Variants in ZNF367 observed in about 807,000 individuals in gnomAD.
The protein encoded by ZNF367 is C2H2 zinc finger protein ZFF29.
A neutral mutation model predicts 31.8 loss-of-function variants in ZNF367; 11 were observed. That is an observed-to-expected ratio of 0.35 (90% CI 0.22 to 0.57). ZNF367 has a LOEUF of 0.57. ZNF367 is among the 20% of genes least tolerant of loss of function. ZNF367 has a pLI of 0.85. For missense variants in ZNF367, 353 were observed against 484.1 expected (o/e 0.73, Z 2.54); for synonymous variants, 199 against 202.4 (o/e 0.98, Z 0.14).
chr9:96,408,458 A>G (rs949098282), intron 1 of ZNF367, among the ~76,000 whole-genome samples: 1 of 152,240 alleles, frequency 6.6e-6, no homozygotes, highest in Non-Finnish European at 1.5e-5. Flanking sequence ...AAAGATGGAA[A>G]TCCTGCCATA....
intron 3 of ZNF367, among the ~76,000 whole-genome samples, chr9:96,393,854 C>T (rs1831500176): frequency 4.6e-5 from 7 of 152,158 alleles, no homozygotes; most frequent in Admixed American, 4.6e-4. Flanking sequence ...AACAAATATT[C>T]ATTATTCAAC....
intron 1 of ZNF367, chr9:96,407,719 A>G: frequency 7.4e-7 from 1 of 1,354,828 alleles, no homozygotes; most frequent in Non-Finnish European, 1.0e-6. Flanking sequence ...GGCATGGAAG[A>G]GGATAGTTAC....
intron 1 of ZNF367, among the ~76,000 whole-genome samples, chr9:96,411,296 C>A (rs1831746007): frequency 6.6e-6 from 1 of 152,038 alleles, no homozygotes; most frequent in South Asian, 2.1e-4. Context: ...GCCTGTAATC[C>A]CACTGCTTGG....
At chr9:96,401,645 G>A (rs1444641030) in intron 1 of ZNF367, among the ~76,000 whole-genome samples, 11 of 109,326 alleles carry the variant, frequency 1.0e-4, no homozygotes, top group Admixed American at 2.3e-4. Flanking sequence ...CAACAAGAGC[G>A]AAGCTCCGTC....
At chr9:96,394,406 A>G (rs1275602764) in intron 3 of ZNF367, among the ~76,000 whole-genome samples, 1 of 152,186 alleles carries the variant, frequency 6.6e-6, no homozygotes, top group Non-Finnish European at 1.5e-5. Flanking sequence ...AAGAATGAAT[A>G]AGACCTAGTA....
intron 1 of ZNF367, among the ~76,000 whole-genome samples, chr9:96,412,585 A>G (rs1831764173): frequency 6.6e-6 from 1 of 152,122 alleles, no homozygotes; most frequent in Admixed American, 6.5e-5. Flanking sequence ...TATCTTCACA[A>G]CTTCTCAAGT....
rs532471045 is a variant in ZNF367, at chr9:96,410,817, G to A, written c.420+6796C>T. On this transcript the variant is annotated intron_variant, in intron 1 of 4. Coordinates refer to ENST00000375256, the MANE Select transcript of ZNF367 (RefSeq NM_153695.4). ...CGCTTGAACCCGGGAGACAGAGGTT[G>A]CAGTAACCCGAGATTGCACCACTGC... 2.0e-5 allele frequency among the ~76,000 whole-genome samples: 3 copies of A among 152,062 alleles called. No homozygotes were observed. The East Asian group carries it at 5.8e-4, about 30-fold the overall frequency.
Position 96,418,151 on chromosome 9 carries a change from G to A in ZNF367, c.-119C>T, listed in dbSNP as rs986521640. ...TCCTGCCGGCTCATGGCAGACTGAC[G>A]TTTCCCGGAATCCTGCGCAGCAGCC... On this transcript the variant is annotated 5_prime_UTR_variant, in exon 1 of 5. It adds an upstream start codon to the 5' untranslated region. Coordinates refer to ENST00000375256, the MANE Select transcript of ZNF367 (RefSeq NM_153695.4). 6.4e-6 allele frequency: 8 copies of A among 1,251,816 alleles called. No individual in the cohort carries two copies. The highest frequency in any genetic ancestry group is 8.4e-5 in the Admixed American group (2 of 23,728). 77.5% of individuals were successfully genotyped at this position (1,251,816 alleles called of 1,614,324 possible).
At chr9:96,394,413 A>G (rs966369909) in intron 3 of ZNF367, among the ~76,000 whole-genome samples, 4 of 152,226 alleles carry the variant, frequency 2.6e-5, no homozygotes, top group African/African-American at 7.2e-5. Context: ...AATAAGACCT[A>G]GTATTTTATA....
Position 96,398,076 on chromosome 9 carries a change from C to T in ZNF367, c.571+88G>A, listed in dbSNP as rs535973740. The stretch of plus-strand genomic sequence containing the variant: ...CTGCACTCCAGCCTGGGCAACAGAG[C>T]GAGACTATCTCAAAAAAAAAAAAAA... On this transcript the variant is annotated intron_variant, in intron 2 of 4. Coordinates refer to ENST00000375256, the MANE Select transcript of ZNF367 (RefSeq NM_153695.4). The T allele has an allele frequency of 1.8e-4, 225 of 1,268,616 alleles. 4 individuals carry two copies. Among genetic ancestry groups the T allele is most frequent in the South Asian group, 9.9e-4 (62 of 62,642 alleles). 78.6% of individuals were successfully genotyped at this position (1,268,616 alleles called of 1,614,324 possible). A position where few individuals can be genotyped will look rare whatever the true frequency, so the allele number is the denominator to read the frequency against.
chr9:96,401,546 A>G (rs936979720), intron 1 of ZNF367, among the ~76,000 whole-genome samples: 1 of 151,506 alleles, frequency 6.6e-6, no homozygotes, highest in Non-Finnish European at 1.5e-5. Flanking sequence ...AATCCCAGCT[A>G]CTCGGGAGGC....
intron 1 of ZNF367, among the ~76,000 whole-genome samples, chr9:96,400,167 G>A (rs1831583930): frequency 6.6e-6 from 1 of 152,128 alleles, no homozygotes; most frequent in Admixed American, 6.5e-5. Flanking sequence ...AATGTGTTCA[G>A]TGAGCTAATG....
At position 96,390,747 on chromosome 9, in the gene ZNF367, G is replaced by A. The variant is rs189368419; in HGVS notation, c.830+1651C>T. 7.2e-5 allele frequency among the ~76,000 whole-genome samples: 11 copies of A among 152,172 alleles called. No homozygotes were observed. In the East Asian group the frequency reaches 1.9e-3, roughly 27 times the overall value. On this transcript the variant is annotated intron_variant, in intron 4 of 4. Coordinates refer to ENST00000375256, the MANE Select transcript of ZNF367 (RefSeq NM_153695.4). The stretch of plus-strand genomic sequence containing the variant: ...AAAAACTTAAAAATTAGCTGGGCAT[G>A]GTGGCACACACCTGTGGTCCCAGCT...
chr9:96,398,612 T>C (rs1200001474), intron 1 of ZNF367, among the ~76,000 whole-genome samples: 1 of 152,074 alleles, frequency 6.6e-6, no homozygotes, highest in Non-Finnish European at 1.5e-5. Context: ...CACAGATGAC[T>C]AAAAAATCAA....
intron 4 of ZNF367, among the ~76,000 whole-genome samples, chr9:96,388,932 C>T (rs1564138768): frequency 6.6e-6 from 1 of 152,186 alleles, no homozygotes; most frequent in Non-Finnish European, 1.5e-5. Context: ...AAACACTACC[C>T]TTATTCTGTT....
intron 1 of ZNF367, among the ~76,000 whole-genome samples, chr9:96,410,569 A>C (rs1454526549): frequency 3.4e-5 from 5 of 146,372 alleles, no homozygotes; most frequent in African/African-American, 5.1e-5. Flanking sequence ...CTCAAAAAAA[A>C]AAAAAAAAAA....
chr9:96,398,196 T>C lies in ZNF367; in HGVS notation c.539A>G (p.Lys180Arg). 1.2e-6 allele frequency: 2 copies of C among 1,608,198 alleles called. No homozygotes were observed. Among genetic ancestry groups the C allele is most frequent in the East Asian group, 2.2e-5 (1 of 44,606 alleles). The change falls in exon 2 of 5, where the codon AAA becomes AGA. Residue 180 changes from lysine to arginine, a missense_variant. By Grantham distance (26) the Lys-to-Arg change is conservative. Transcript: ENST00000375256. Reference sequence around the variant, plus strand: ...AGTCCTTTTGTGAGCCTGGAGCGATTTCTCCCGTGGAAACACCCTATTACA... The same window carrying C: ...AGTCCTTTTGTGAGCCTGGAGCGATCTCTCCCGTGGAAACACCCTATTACA... ...NICNRVFPREKSLQAHKRTHT... is the reference protein window; with the variant it reads ...NICNRVFPRERSLQAHKRTHT...
chr9:96,418,139 T>C lies in ZNF367; in HGVS notation c.-107A>G. The C allele has an allele frequency of 7.9e-7, 1 of 1,262,964 alleles. No homozygotes were observed. Among genetic ancestry groups the C allele is most frequent in the Non-Finnish European group, 1.0e-6 (1 of 1,002,050 alleles). 78.2% of individuals were successfully genotyped at this position (1,262,964 alleles called of 1,614,324 possible). A position where few individuals can be genotyped will look rare whatever the true frequency, so the allele number is the denominator to read the frequency against. ...TCGCAGGCTCAGTCCTGCCGGCTCA[T>C]GGCAGACTGACGTTTCCCGGAATCC... On this transcript the variant is annotated 5_prime_UTR_variant, in exon 1 of 5. The change abolishes an upstream ATG in the 5' untranslated region. Coordinates refer to ENST00000375256, the MANE Select transcript of ZNF367 (RefSeq NM_153695.4).
chr9:96,407,404 A>C, intron 1 of ZNF367: 1 of 1,473,930 alleles, frequency 6.8e-7, no homozygotes, highest in Non-Finnish European at 9.5e-7. Context: ...GAAGGCAAAG[A>C]AAATGATTGG....
Sources: gnomAD v4.1 joint callset for allele counts (sites outside exome capture counted in the v4.1 genomes callset) on GRCh38, gnomAD v4.1.1 for gene constraint, MANE v1.5 for transcripts, NCBI Gene and HGNC (gene_info 2026-07-23, HGNC 2026-07-21) for gene names.